The following TRERF1 variants were observed in gnomAD, a reference collection of about 807,000 sequenced individuals.
The protein encoded by TRERF1 is transcriptional-regulating factor 1.
A neutral mutation model predicts 122.9 loss-of-function variants in TRERF1; 27 were observed. The observed-to-expected ratio is 0.22, with a 90% CI of 0.16 to 0.30. The LOEUF (loss-of-function observed/expected upper bound fraction) is 0.30, where lower values mean the gene tolerates loss of function less well. TRERF1 is among the 10% of genes least tolerant of loss of function. TRERF1 has a pLI of 1.00. For synonymous variants in TRERF1, 636 were observed against 641.7 expected, an observed-to-expected ratio of 0.99 and a Z score of 0.13; for missense variants, 1,248 against 1,560.3, an observed-to-expected ratio of 0.80 and a Z score of 3.37.
Position 42,341,894 on chromosome 6 carries a change from T to C in TRERF1, c.-371+21103A>G, listed in dbSNP as rs112352588. Among the ~76,000 whole-genome samples, 1,132 of 152,356 alleles carry C rather than the reference T, an allele frequency of 7.4e-3. 12 individuals carry two copies. The highest frequency in any genetic ancestry group is 0.01 in the Non-Finnish European group (699 of 68,028). ...GGCATAATGAATGTTCAATATCAAG[T>C]CATACATAGACATTCCCCTCCCACA... On this transcript the variant is annotated intron_variant, in intron 3 of 17. Coordinates refer to ENST00000372922, the Ensembl canonical transcript of TRERF1.
At chr6:42,373,568 A>G (rs1486081568) in intron 2 of TRERF1, among the ~76,000 whole-genome samples, 1 of 151,898 alleles carries the variant, frequency 6.6e-6, no homozygotes, top group Non-Finnish European at 1.5e-5. Flanking sequence ...TCGGGAGGCT[A>G]AGGCAGGAGA....
At chr6:42,310,067 A>G (rs2150342242) in intron 3 of TRERF1, among the ~76,000 whole-genome samples, 2 of 151,366 alleles carry the variant, frequency 1.3e-5, no homozygotes, top group East Asian at 3.9e-4. Context: ...CCAGCCTAAA[A>G]TTAAACTTAA....
intron 2 of TRERF1, among the ~76,000 whole-genome samples, chr6:42,377,262 C>T (rs909585963): frequency 2.6e-5 from 4 of 152,218 alleles, no homozygotes; most frequent in Admixed American, 6.5e-5. Context: ...GGTACAACTA[C>T]TACTATGACT....
intron 2 of TRERF1, among the ~76,000 whole-genome samples, chr6:42,394,832 C>T (rs946080620): frequency 2.6e-5 from 4 of 152,032 alleles, no homozygotes; most frequent in Admixed American, 1.3e-4. Flanking sequence ...CTCAGCTCTG[C>T]GCTCAACCCT....
chr6:42,239,862 GT>G (rs147880819), intron 15 of TRERF1, among the ~76,000 whole-genome samples: 6 of 148,500 alleles, frequency 4.0e-5, no homozygotes, highest in Non-Finnish European at 4.5e-5. Context: ...AGATTTTCTT[GT>G]TTTTTTTTTG....
intron 3 of TRERF1, among the ~76,000 whole-genome samples, chr6:42,359,083 T>TCCCC (rs1771192870): frequency 6.6e-6 from 1 of 152,142 alleles, no homozygotes. Context: ...CAAAGCCTCC[T>TCCCC]CCTCCTGGTT....
At position 42,232,018 on chromosome 6, in the gene TRERF1, A is replaced by C. The variant is rs1770642143; in HGVS notation, c.3278+663T>G. 1.3e-5 allele frequency among the ~76,000 whole-genome samples: 2 copies of C among 152,224 alleles called. No individual in the cohort carries two copies. Among genetic ancestry groups the C allele is most frequent in the African/African-American group, 2.4e-5 (1 of 41,450 alleles). ...CATGTAACAAAGTAAATGCTCAGTA[A>C]ATGTTAGCTATTATAATTACTATCT... On this transcript the variant is annotated intron_variant, in intron 17 of 17. Transcript: ENST00000372922. The surrounding 1 kb of genome is among the most constrained non-coding windows in gnomAD (Gnocchi z 4.5).
chr6:42,252,433 A>G (rs1775991823), intron 13 of TRERF1, among the ~76,000 whole-genome samples: 2 of 152,192 alleles, frequency 1.3e-5, no homozygotes, highest in Admixed American at 6.5e-5. Context: ...CCCTCTCCAG[A>G]TAACTGGGAG....
At chr6:42,348,032 T>C (rs1201192345) in intron 3 of TRERF1, among the ~76,000 whole-genome samples, 10 of 152,158 alleles carry the variant, frequency 6.6e-5, no homozygotes. Flanking sequence ...CTTGAGTAAA[T>C]AGGAACCTTG....
intron 3 of TRERF1, among the ~76,000 whole-genome samples, chr6:42,351,235 G>C (rs1769387755): frequency 6.6e-6 from 1 of 152,124 alleles, no homozygotes; most frequent in Non-Finnish European, 1.5e-5. Context: ...CTGGTGATAT[G>C]GATCACTAGC....
intron 4 of TRERF1, among the ~76,000 whole-genome samples, chr6:42,289,846 T>G (rs1441495098): frequency 6.6e-6 from 1 of 152,108 alleles, no homozygotes; most frequent in Non-Finnish European, 1.5e-5. Context: ...CCAGGCCAGA[T>G]AGCTTGGATG....
At chr6:42,410,241 A>C (rs1208143737) in intron 2 of TRERF1, among the ~76,000 whole-genome samples, 4 of 152,188 alleles carry the variant, frequency 2.6e-5, no homozygotes, top group African/African-American at 9.6e-5. Context: ...CTGGGGCTCA[A>C]GCAATCCTCC....
At chr6:42,249,056 G>A (rs909534023) in intron 13 of TRERF1, among the ~76,000 whole-genome samples, 5 of 152,282 alleles carry the variant, frequency 3.3e-5, no homozygotes, top group African/African-American at 1.2e-4. Flanking sequence ...AGATAATGAT[G>A]GAAGGAAGAC....
At chr6:42,280,408 T>G (rs1782100908) in intron 4 of TRERF1, among the ~76,000 whole-genome samples, 1 of 152,162 alleles carries the variant, frequency 6.6e-6, no homozygotes, top group Non-Finnish European at 1.5e-5. Flanking sequence ...TCCCAGCAAG[T>G]TCGTGCTCTG....
intron 2 of TRERF1, among the ~76,000 whole-genome samples, chr6:42,398,869 G>A (rs1778993236): frequency 6.6e-6 from 1 of 152,230 alleles, no homozygotes; most frequent in South Asian, 2.1e-4. Context: ...ATCATGCACT[G>A]CTAGGGAGAC....
At chr6:42,305,695 CCA>C (rs1032891581) in intron 3 of TRERF1, among the ~76,000 whole-genome samples, 3 of 151,810 alleles carry the variant, frequency 2.0e-5, no homozygotes, top group Admixed American at 2.0e-4. Flanking sequence ...TCCATGCCAC[CCA>C]CAATTCATTA....
chr6:42,249,612 T>C (rs1775403241), intron 13 of TRERF1, among the ~76,000 whole-genome samples: 1 of 152,094 alleles, frequency 6.6e-6, no homozygotes. Flanking sequence ...GATTCCGGAG[T>C]GTGCATTCTG....
chr6:42,414,629 T>C (rs1320759435), intron 2 of TRERF1, among the ~76,000 whole-genome samples: 1 of 152,230 alleles, frequency 6.6e-6, no homozygotes, highest in Non-Finnish European at 1.5e-5. Flanking sequence ...AAATACACTT[T>C]ACATTGCAAT....
chr6:42,294,387 G>A (rs1285078945), intron 4 of TRERF1, among the ~76,000 whole-genome samples: 1 of 151,432 alleles, frequency 6.6e-6, no homozygotes, highest in Non-Finnish European at 1.5e-5. Flanking sequence ...TCACCATATT[G>A]GCCAGGCTGG....
Sources: allele counts gnomAD v4.1 joint callset (sites outside exome capture counted in the v4.1 genomes callset), GRCh38; gene constraint gnomAD v4.1.1; non-coding constraint Gnocchi (gnomAD v3.1); transcripts MANE v1.5; gene names NCBI Gene and HGNC (gene_info 2026-07-23, HGNC 2026-07-21).